Variants in TNFSF8 observed in about 807,000 individuals in gnomAD.
TNFSF8 encodes TNF superfamily member 8, also known as tumor necrosis factor ligand superfamily member 8.
A neutral mutation model predicts 22.0 loss-of-function variants in TNFSF8; 4 were observed. That is an observed-to-expected ratio of 0.18 (90% CI 0.09 to 0.42). The LOEUF is 0.42. Ranked by LOEUF, TNFSF8 falls within the 10% of genes least tolerant of loss-of-function variation. The pLI is 1.00. For missense variants in TNFSF8, 233 were observed against 281.8 expected (o/e 0.83, Z 1.24); for synonymous variants, 106 against 112.5 (o/e 0.94, Z 0.37).
intron 1 of TNFSF8, among the ~76,000 whole-genome samples, chr9:114,928,315 C>T (rs924836469): frequency 1.3e-5 from 2 of 152,174 alleles, no homozygotes; most frequent in African/African-American, 2.4e-5. Context: ...AGCAATCAAG[C>T]AGTATTGGCT....
At chr9:114,906,100 G>A (rs1286529652) in intron 2 of TNFSF8, among the ~76,000 whole-genome samples, 1 of 152,090 alleles carries the variant, frequency 6.6e-6, no homozygotes, top group Non-Finnish European at 1.5e-5. Context: ...TTTATTGATT[G>A]CTTCCACTTG....
chr9:114,912,444 C>G (rs1016244358), intron 2 of TNFSF8, among the ~76,000 whole-genome samples: 2 of 152,224 alleles, frequency 1.3e-5, no homozygotes, highest in African/African-American at 2.4e-5. Context: ...GGCTGGAGTG[C>G]AGTAGTGCGA....
chr9:114,920,150 C>G (rs1434262784), intron 1 of TNFSF8, among the ~76,000 whole-genome samples: 1 of 152,186 alleles, frequency 6.6e-6, no homozygotes, highest in Admixed American at 6.5e-5. Flanking sequence ...TGAGACAACA[C>G]ACAACATTTT....
At chr9:114,928,914 T>C (rs1034209314) in intron 1 of TNFSF8, among the ~76,000 whole-genome samples, 1 of 152,196 alleles carries the variant, frequency 6.6e-6, no homozygotes, top group African/African-American at 2.4e-5. Flanking sequence ...TGATAAGCTA[T>C]AGAGTACTTG....
chr9:114,903,605 G>A lies in TNFSF8; in HGVS notation c.*326C>T, dbSNP rs76391989. On this transcript the variant is annotated 3_prime_UTR_variant, in exon 4 of 4. Coordinates refer to ENST00000223795, the MANE Select transcript of TNFSF8 (RefSeq NM_001244.4). ...GTACTGGAGCCCCATTTTAACTGGA[G>A]GCTCTCAAAACAGAAGAAATAGATC... 6,980 of 755,808 alleles carry A rather than the reference G, an allele frequency of 9.2e-3. 357 individuals carry two copies. In the Admixed American group the frequency reaches 0.12, roughly 13 times the overall value. The allele number at this position is 755,808 out of a possible 1,614,324, so 46.8% of individuals were successfully genotyped here. A position where few individuals can be genotyped will look rare whatever the true frequency, so the allele number is the denominator to read the frequency against.
At chr9:114,918,254 C>T in intron 1 of TNFSF8, 116 bp from the exon 2 acceptor site, 4 of 797,490 alleles carry the variant, frequency 5.0e-6, no homozygotes, top group Non-Finnish European at 7.3e-6. Flanking sequence ...AATTCATCCT[C>T]CACCTGAATT....
intron 1 of TNFSF8, among the ~76,000 whole-genome samples, chr9:114,921,268 T>C (rs1259037026): frequency 6.6e-6 from 1 of 152,192 alleles, no homozygotes; most frequent in East Asian, 1.9e-4. Flanking sequence ...GCTCTTGGGA[T>C]GAGGTCTTTA....
chr9:114,908,884 G>A (rs1040523910), intron 2 of TNFSF8, among the ~76,000 whole-genome samples: 4 of 152,150 alleles, frequency 2.6e-5, no homozygotes, highest in Non-Finnish European at 4.4e-5. Context: ...GAAGGGCACA[G>A]CCTCTGTCCT....
chr9:114,920,805 A>C (rs1270308574), intron 1 of TNFSF8, among the ~76,000 whole-genome samples: 1 of 152,068 alleles, frequency 6.6e-6, no homozygotes, highest in Non-Finnish European at 1.5e-5. Context: ...AGTAGCTGGG[A>C]CTACAGGGGC....
chr9:114,922,177 C>T (rs1827996891), intron 1 of TNFSF8, among the ~76,000 whole-genome samples: 1 of 152,188 alleles, frequency 6.6e-6, no homozygotes. Flanking sequence ...CTTAATTTGC[C>T]TCAATACCTT....
chr9:114,918,070 A>G (rs1420005932), intron 2 of TNFSF8, 26 bp downstream of exon 2: 8 of 1,593,882 alleles, frequency 5.0e-6, no homozygotes, highest in Non-Finnish European at 5.1e-6. Context: ...CTTACTACAC[A>G]TTTACACCTA....
At chr9:114,908,307 A>G (rs542719237) in intron 2 of TNFSF8, among the ~76,000 whole-genome samples, 2 of 152,196 alleles carry the variant, frequency 1.3e-5, no homozygotes, top group Non-Finnish European at 2.9e-5. Context: ...TTAGGACAAC[A>G]GTGAGGTGAA....
chr9:114,897,103 G>A (rs1440305974), downstream of TNFSF8, among the ~76,000 whole-genome samples: 2 of 152,070 alleles, frequency 1.3e-5, no homozygotes, highest in African/African-American at 4.8e-5. Flanking sequence ...GTTTCTCCAT[G>A]TTGGTCAGGC....
At chr9:114,909,588 T>C (rs1200662180) in intron 2 of TNFSF8, among the ~76,000 whole-genome samples, 1 of 152,214 alleles carries the variant, frequency 6.6e-6, no homozygotes, top group Non-Finnish European at 1.5e-5. Context: ...GTGGATTTGA[T>C]GATCTGTCTT....
At chr9:114,928,111 C>T (rs1331810367) in intron 1 of TNFSF8, among the ~76,000 whole-genome samples, 2 of 152,052 alleles carry the variant, frequency 1.3e-5, no homozygotes, top group Admixed American at 6.6e-5. Context: ...ACTGATATTT[C>T]CTGGTCTAAG....
chr9:114,916,189 T>C (rs1827916548), intron 2 of TNFSF8, among the ~76,000 whole-genome samples: 1 of 152,218 alleles, frequency 6.6e-6, no homozygotes, highest in Non-Finnish European at 1.5e-5. Context: ...AAAGGACATT[T>C]TGACACACAA....
intron 1 of TNFSF8, among the ~76,000 whole-genome samples, chr9:114,929,892 TA>T (rs1564374140): frequency 1.4e-5 from 2 of 139,274 alleles, no homozygotes; most frequent in Admixed American, 7.2e-5. Flanking sequence ...TATATATATA[TA>T]ATATATACTG....
At chr9:114,897,721 G>A (rs549793758), downstream of TNFSF8, among the ~76,000 whole-genome samples, 3 of 152,296 alleles carry the variant, frequency 2.0e-5, no homozygotes, top group South Asian at 2.1e-4. Flanking sequence ...ATGGAAGATT[G>A]GAGGAACTGG....
At chr9:114,920,999 A>T (rs1015453835) in intron 1 of TNFSF8, among the ~76,000 whole-genome samples, 2 of 152,198 alleles carry the variant, frequency 1.3e-5, no homozygotes, top group Admixed American at 6.5e-5. Context: ...GCTTTCGAGT[A>T]ATACTGACAC....
Sources: allele counts gnomAD v4.1 joint callset (sites outside exome capture counted in the v4.1 genomes callset), GRCh38; gene constraint gnomAD v4.1.1; transcripts MANE v1.5; gene names NCBI Gene and HGNC (gene_info 2026-07-23, HGNC 2026-07-21).